CDH18: variants seen among roughly 807,000 people sequenced by gnomAD.
The protein encoded by CDH18 is cadherin 18, also known as cadherin-18.
CDH18 carries 31 observed loss-of-function variants against 67.9 expected under a neutral mutation model. That is an observed-to-expected ratio of 0.46 (90% CI 0.34 to 0.62). CDH18 has a LOEUF of 0.62. Ranked by LOEUF, CDH18 falls within the 20% of genes least tolerant of loss-of-function variation. The probability of loss-of-function intolerance (pLI) is 0.01; values close to 1 mark genes in which losing one functional copy is unlikely to be tolerated. For synonymous variants in CDH18, 362 were observed against 347.2 expected (o/e 1.04, Z -0.48); for missense variants, 890 against 975.5 (o/e 0.91, Z 1.17).
intron 5 of CDH18, among the ~76,000 whole-genome samples, chr5:19,656,963 AAT>A (rs1756490222): frequency 6.6e-6 from 1 of 152,014 alleles, no homozygotes; most frequent in Non-Finnish European, 1.5e-5. Context: ...ATAAAATTGA[AAT>A]ATAAACAACA....
intron 2 of CDH18, among the ~76,000 whole-genome samples, chr5:19,961,100 AT>A (rs564003434): frequency 0.41 from 44,825 of 109,602 alleles, 8,296 homozygotes; most frequent in East Asian, 0.54. Context: ...CTACATTATA[AT>A]TTTTTTTTTT....
chr5:20,075,253 C>T (rs1022788470), intron 2 of CDH18, among the ~76,000 whole-genome samples: 2 of 152,040 alleles, frequency 1.3e-5, no homozygotes, highest in African/African-American at 4.8e-5. Context: ...ACCTGTAATC[C>T]CAGCACTCTG....
At chr5:19,908,493 A>G (rs1790766747) in intron 2 of CDH18, among the ~76,000 whole-genome samples, 1 of 152,118 alleles carries the variant, frequency 6.6e-6, no homozygotes, top group African/African-American at 2.4e-5. Context: ...AAACATTAAT[A>G]TTTTCCACAA....
chr5:20,561,495 C>T (rs1758211571), intron 1 of CDH18, among the ~76,000 whole-genome samples: 1 of 151,888 alleles, frequency 6.6e-6, no homozygotes, highest in Admixed American at 6.6e-5. Context: ...GTGAAAGAAA[C>T]CAATCTGACA....
Position 19,667,831 on chromosome 5 carries a change from A to AC in CDH18, c.643+53515dup, listed in dbSNP as rs1401167502. Among the ~76,000 whole-genome samples, 10 of 151,998 alleles carry AC rather than the reference A, an allele frequency of 6.6e-5. No homozygotes were observed. In the Middle Eastern group the frequency reaches 0.02, roughly 310 times the overall value. ...CCTTCTGATATACCAATGAAGTATC[A>AC]CCAGGTATCATCTGATATACCAAAT... is the stretch of plus-strand genomic sequence containing the variant. On this transcript the variant is annotated intron_variant, in intron 5 of 12. Coordinates refer to ENST00000382275, the MANE Select transcript of CDH18 (RefSeq NM_004934.5).
chr5:19,565,987 A>C (rs1222025765), intron 8 of CDH18, among the ~76,000 whole-genome samples: 2 of 152,184 alleles, frequency 1.3e-5, no homozygotes, highest in East Asian at 1.9e-4. Context: ...AGGGATTAAT[A>C]ACCGGAATAT....
chr5:19,731,882 T>A (rs1417181286), intron 4 of CDH18, among the ~76,000 whole-genome samples: 1 of 151,930 alleles, frequency 6.6e-6, no homozygotes, highest in Non-Finnish European at 1.5e-5. Flanking sequence ...TTAAAATCAG[T>A]AGTTTAAGAC....
At chr5:20,354,704 G>A (rs1178848485) in intron 1 of CDH18, among the ~76,000 whole-genome samples, 2 of 152,150 alleles carry the variant, frequency 1.3e-5, no homozygotes, top group Admixed American at 6.5e-5. Flanking sequence ...GAACCACCGT[G>A]CCTGTCTCAA....
chr5:19,793,620 T>G (rs544334297), intron 3 of CDH18, among the ~76,000 whole-genome samples: 2 of 152,214 alleles, frequency 1.3e-5, no homozygotes, highest in South Asian at 2.1e-4. Context: ...TTGTTGCTAT[T>G]AGAAACAAGA....
chr5:20,075,415 A>T (rs1451399871), intron 2 of CDH18, among the ~76,000 whole-genome samples: 5 of 152,136 alleles, frequency 3.3e-5, no homozygotes, highest in Non-Finnish European at 5.9e-5. Context: ...AGACAGGATA[A>T]TAGCTCAAAC....
At chr5:20,382,728 A>T (rs1744012181) in intron 1 of CDH18, among the ~76,000 whole-genome samples, 1 of 152,156 alleles carries the variant, frequency 6.6e-6, no homozygotes, top group Non-Finnish European at 1.5e-5. Context: ...GAAGCAATAT[A>T]AACAGCCACT....
Position 19,804,951 on chromosome 5 carries a change from A to AT in CDH18, c.228+33807dup, listed in dbSNP as rs35396228. 7.8e-3 allele frequency among the ~76,000 whole-genome samples: 1,152 copies of AT among 147,944 alleles called. 7 individuals carry two copies. Among genetic ancestry groups the AT allele is most frequent in the African/African-American group, 0.015 (611 of 40,234 alleles). On this transcript the variant is annotated intron_variant, in intron 3 of 12. Transcript: ENST00000382275. ...GAAAAAAATCATTATTATTATTATG[A>AT]TTTTTTTTTTTTGGACAGGGTGTGG...
chr5:19,978,711 C>T (rs2150355494), intron 2 of CDH18, among the ~76,000 whole-genome samples: 1 of 152,200 alleles, frequency 6.6e-6, no homozygotes, highest in East Asian at 1.9e-4. Flanking sequence ...TGGCCCTCTT[C>T]CTTCATACTC....
At chr5:20,380,231 G>C (rs1373838241) in intron 1 of CDH18, among the ~76,000 whole-genome samples, 2 of 152,092 alleles carry the variant, frequency 1.3e-5, no homozygotes, top group Non-Finnish European at 2.9e-5. Flanking sequence ...CCACAACTAA[G>C]TACTGCAAAT....
At chr5:20,247,448 A>C (rs1022287702) in intron 2 of CDH18, among the ~76,000 whole-genome samples, 2 of 152,150 alleles carry the variant, frequency 1.3e-5, no homozygotes, top group African/African-American at 4.8e-5. Flanking sequence ...ACTAGGTAAG[A>C]TGAAATTGGT....
chr5:19,813,054 A>C (rs1778911297), intron 3 of CDH18, among the ~76,000 whole-genome samples: 1 of 152,042 alleles, frequency 6.6e-6, no homozygotes, highest in Admixed American at 6.6e-5. Context: ...AAAACCAAAC[A>C]CCGCATGTTC....
intron 1 of CDH18, among the ~76,000 whole-genome samples, chr5:20,541,068 G>A (rs1289782164): frequency 2.0e-5 from 3 of 151,948 alleles, no homozygotes; most frequent in Admixed American, 6.6e-5. Context: ...TCAATCTATC[G>A]GATTAAATAT....
chr5:19,506,491 C>T (rs1289532078), intron 10 of CDH18, among the ~76,000 whole-genome samples: 2 of 152,152 alleles, frequency 1.3e-5, no homozygotes, highest in African/African-American at 2.4e-5. Context: ...AGGCATCATG[C>T]TACCTGACTT....
At chr5:20,228,313 T>C (rs1265528561) in intron 2 of CDH18, among the ~76,000 whole-genome samples, 1 of 152,086 alleles carries the variant, frequency 6.6e-6, no homozygotes. Context: ...TTTAATAGTT[T>C]CATTTGCCTT....
Sources: allele counts gnomAD v4.1 joint callset (sites outside exome capture counted in the v4.1 genomes callset), GRCh38; gene constraint gnomAD v4.1.1; transcripts MANE v1.5; gene names NCBI Gene and HGNC (gene_info 2026-07-23, HGNC 2026-07-21).